The following SLC35F4 variants were observed in gnomAD, a reference collection of about 807,000 sequenced individuals.
SLC35F4 encodes the protein chromosome 14 open reading frame 36.
A neutral mutation model predicts 44.2 loss-of-function variants in SLC35F4; 24 were observed. The observed-to-expected ratio is 0.54, with a 90% confidence interval of 0.39 to 0.76. The LOEUF (loss-of-function observed/expected upper bound fraction) is 0.76. SLC35F4 is among the 30% of genes least tolerant of loss of function. SLC35F4 has a pLI of 0.00. For synonymous variants in SLC35F4, 238 were observed against 223.6 expected (o/e 1.06, Z -0.57); for missense variants, 562 against 586.1 (o/e 0.96, Z 0.42).
intron 1 of SLC35F4, among the ~76,000 whole-genome samples, chr14:57,663,384 G>C (rs1430969680): frequency 6.6e-6 from 1 of 152,084 alleles, no homozygotes; most frequent in African/African-American, 2.4e-5. Context: ...TAGAGCCCAA[G>C]TTCAGATTGT....
At chr14:57,941,959 G>A (rs899297149) in intron 1 of SLC35F4, among the ~76,000 whole-genome samples, 1 of 152,174 alleles carries the variant, frequency 6.6e-6, no homozygotes, top group African/African-American at 2.4e-5. Context: ...CTTATCAAGT[G>A]ATGACTTCAC....
At chr14:57,869,448 A>C (rs548012886), upstream of SLC35F4, among the ~76,000 whole-genome samples, 10 of 152,356 alleles carry the variant, frequency 6.6e-5, no homozygotes, top group African/African-American at 2.4e-4. Flanking sequence ...GCAGAAAGGG[A>C]TCAGAAAATC....
intron 1 of SLC35F4, among the ~76,000 whole-genome samples, chr14:57,943,585 G>A (rs1296260018): frequency 2.6e-5 from 4 of 152,126 alleles, no homozygotes; most frequent in Non-Finnish European, 4.4e-5. Flanking sequence ...CTTGGTTACT[G>A]CCGAGTGTCA....
chr14:57,617,670 A>G (rs943530654), intron 1 of SLC35F4, among the ~76,000 whole-genome samples: 1 of 152,174 alleles, frequency 6.6e-6, no homozygotes, highest in Non-Finnish European at 1.5e-5. Flanking sequence ...TTGCAATAGT[A>G]TGGATAAGCA....
At position 57,965,856 on chromosome 14, in the gene SLC35F4, C is replaced by A. The variant is rs534522874; in HGVS notation, n.282+16057G>T. On this transcript the variant is annotated intron_variant and non_coding_transcript_variant, in intron 1 of 1. Coordinates refer to the SLC35F4 transcript ENST00000556568. ...GATGTTTAACCACGAAGGCTTTTAACCACCCATTCCAAGGCTCTCCACACC... is the reference window on the plus strand; with the variant it reads ...GATGTTTAACCACGAAGGCTTTTAAACACCCATTCCAAGGCTCTCCACACC... Among the ~76,000 whole-genome samples, 108 of 152,302 alleles carry A rather than the reference C, an allele frequency of 7.1e-4. 2 individuals carry two copies. In the South Asian group the frequency reaches 0.017, roughly 25 times the overall value.
intron 1 of SLC35F4, among the ~76,000 whole-genome samples, chr14:57,856,091 C>A (rs1220088927): frequency 6.6e-6 from 1 of 151,922 alleles, no homozygotes. Context: ...ACTGTAACCT[C>A]CGCCTCCCAG....
chr14:57,693,731 G>C (rs1485657370), intron 1 of SLC35F4, among the ~76,000 whole-genome samples: 1 of 152,170 alleles, frequency 6.6e-6, no homozygotes, highest in Non-Finnish European at 1.5e-5. Context: ...ATTTCTGTGT[G>C]TGTGTCTTTA....
intron 1 of SLC35F4, among the ~76,000 whole-genome samples, chr14:57,654,086 A>G (rs1387489197): frequency 6.6e-6 from 1 of 152,060 alleles, no homozygotes; most frequent in East Asian, 1.9e-4. Context: ...GTCATATTGC[A>G]TTAGGTACCC....
chr14:57,769,442 G>T (rs531086030), intron 1 of SLC35F4, among the ~76,000 whole-genome samples: 2 of 152,212 alleles, frequency 1.3e-5, no homozygotes, highest in East Asian at 1.9e-4. Context: ...TACAAAATTG[G>T]GGTGTGAATC....
chr14:57,724,771 A>G (rs2076163405), intron 1 of SLC35F4, among the ~76,000 whole-genome samples: 1 of 152,214 alleles, frequency 6.6e-6, no homozygotes, highest in African/African-American at 2.4e-5. Flanking sequence ...ACCACTCGGA[A>G]GTAGACAGCT....
intron 1 of SLC35F4, among the ~76,000 whole-genome samples, chr14:57,619,195 G>T (rs1038476988): frequency 6.6e-6 from 1 of 152,170 alleles, no homozygotes; most frequent in Admixed American, 6.5e-5. Context: ...GCTCTGCTAA[G>T]GGTCAGACTC....
intron 1 of SLC35F4, among the ~76,000 whole-genome samples, chr14:57,716,236 G>C (rs980779770): frequency 6.6e-6 from 1 of 151,992 alleles, no homozygotes; most frequent in Non-Finnish European, 1.5e-5. Flanking sequence ...AAAAGGTCCA[G>C]AAACCAAATT....
At chr14:57,627,506 C>T (rs937164017) in intron 1 of SLC35F4, among the ~76,000 whole-genome samples, 1 of 152,046 alleles carries the variant, frequency 6.6e-6, no homozygotes, top group Admixed American at 6.6e-5. Context: ...ATAATTCAAC[C>T]ACATTTTTAA....
At chr14:57,883,763 G>A (rs1888591458) in intron 1 of SLC35F4, among the ~76,000 whole-genome samples, 2 of 152,158 alleles carry the variant, frequency 1.3e-5, no homozygotes, top group African/African-American at 4.8e-5. Context: ...AGATGGCAGA[G>A]ATGAAAATCA....
chr14:57,772,095 CA>C (rs1014598855), intron 1 of SLC35F4, among the ~76,000 whole-genome samples: 3 of 152,078 alleles, frequency 2.0e-5, no homozygotes, highest in African/African-American at 7.2e-5. Flanking sequence ...GAAGCAACAT[CA>C]AAAAAATGCA....
intron 1 of SLC35F4, among the ~76,000 whole-genome samples, chr14:57,825,302 T>C (rs544062484): frequency 2.2e-4 from 34 of 152,172 alleles, no homozygotes; most frequent in Non-Finnish European, 4.0e-4. Context: ...TGGGAAATAA[T>C]CATTTGGCTA....
rs554960747 is a variant in SLC35F4, at chr14:57,577,466, C to T, written c.807+3748G>A. On this transcript the variant is annotated intron_variant, in intron 4 of 7. Coordinates refer to ENST00000556826, the MANE Select transcript of SLC35F4 (RefSeq NM_001306087.2). Reference sequence around the variant, plus strand: ...TGCTGAACCATCCACCAACCACCAACATTCTCCATATCTTCAAGGAAATTG... The same window carrying T: ...TGCTGAACCATCCACCAACCACCAATATTCTCCATATCTTCAAGGAAATTG... Among the ~76,000 whole-genome samples the T allele has an allele frequency of 6.7e-4, 102 of 152,268 alleles. 1 individual carries two copies. Among genetic ancestry groups the T allele is most frequent in the African/African-American group, 2.4e-3 (99 of 41,566 alleles).
chr14:57,623,141 A>T (rs542383248), intron 1 of SLC35F4, among the ~76,000 whole-genome samples: 1 of 152,324 alleles, frequency 6.6e-6, no homozygotes, highest in South Asian at 2.1e-4. Context: ...TGGAAAGCAA[A>T]AAAGCAGAGG....
At chr14:57,836,827 T>C (rs1884983208) in intron 1 of SLC35F4, among the ~76,000 whole-genome samples, 1 of 152,204 alleles carries the variant, frequency 6.6e-6, no homozygotes, top group Admixed American at 6.5e-5. Flanking sequence ...TTTCCATCTA[T>C]ATATAATTTG....
Sources: gnomAD v4.1 joint callset for allele counts (sites outside exome capture counted in the v4.1 genomes callset) on GRCh38, gnomAD v4.1.1 for gene constraint, MANE v1.5 for transcripts, NCBI Gene and HGNC (gene_info 2026-07-23, HGNC 2026-07-21) for gene names.